The following AKAP7 variants were observed in gnomAD, a reference collection of about 807,000 sequenced individuals.
AKAP7 encodes A-kinase anchoring protein 7.
A neutral mutation model predicts 39.5 loss-of-function variants in AKAP7; 39 were observed. The ratio of observed to expected loss-of-function variants is 0.99; its 90% CI spans 0.76 to 1.29. AKAP7 has a LOEUF of 1.29. Among genes scored for constraint, AKAP7 ranks in the 50% most tolerant of loss-of-function variants. The pLI, the probability that AKAP7 is intolerant of heterozygous loss-of-function variation, is 0.00. For synonymous variants in AKAP7, 140 were observed against 139.1 expected, an observed-to-expected ratio of 1.01 and a Z score of -0.05; for missense variants, 414 against 407.7, an observed-to-expected ratio of 1.02 and a Z score of -0.13.
intron 2 of AKAP7, among the ~76,000 whole-genome samples, chr6:131,156,406 G>C (rs1802421218): frequency 6.6e-6 from 1 of 152,172 alleles, no homozygotes; most frequent in African/African-American, 2.4e-5. Flanking sequence ...AGGAGGCTAA[G>C]GTGGGAGGAT....
At chr6:131,168,444 A>G (rs1034775950) in intron 4 of AKAP7, among the ~76,000 whole-genome samples, 7 of 148,778 alleles carry the variant, frequency 4.7e-5, no homozygotes, top group African/African-American at 1.2e-4. Flanking sequence ...AGGAGACAGA[A>G]AGAGAGAGAG....
chr6:131,258,885 G>A (rs1813077099), intron 7 of AKAP7, among the ~76,000 whole-genome samples: 1 of 152,194 alleles, frequency 6.6e-6, no homozygotes, highest in Admixed American at 6.5e-5. Flanking sequence ...GTGCCAGGGA[G>A]AAAGTGATAT....
At position 131,135,541 on chromosome 6, in the gene AKAP7, G is replaced by A. The variant is rs1448516472; in HGVS notation, c.-223G>A. ...GGCTGCCGCCGCCGCTGCTGCCGCT[G>A]CCGCGGGGGCTGCGGCTTGGGAAGC... is the stretch of plus-strand genomic sequence containing the variant. On this transcript the variant is annotated 5_prime_UTR_variant, in exon 1 of 8. Transcript: ENST00000431975. The A allele has an allele frequency of 1.6e-5, 3 of 189,654 alleles. No individual in the cohort carries two copies. Among genetic ancestry groups the A allele is most frequent in the African/African-American group, 2.4e-5 (1 of 41,910 alleles). 11.7% of individuals were successfully genotyped at this position (189,654 alleles called of 1,614,324 possible).
At chr6:131,226,793 A>G (rs908573036) in intron 7 of AKAP7, among the ~76,000 whole-genome samples, 9 of 152,192 alleles carry the variant, frequency 5.9e-5, no homozygotes, top group Non-Finnish European at 1.3e-4. Context: ...GCAGTCCAGT[A>G]TATTTATAAC....
chr6:131,221,469 G>A (rs1214498078), intron 7 of AKAP7, among the ~76,000 whole-genome samples: 1 of 152,192 alleles, frequency 6.6e-6, no homozygotes, highest in Non-Finnish European at 1.5e-5. Flanking sequence ...AGCTAAGGTC[G>A]TTGATGAAGG....
intron 7 of AKAP7, among the ~76,000 whole-genome samples, chr6:131,261,702 A>T (rs1813354369): frequency 6.6e-6 from 1 of 152,096 alleles, no homozygotes; most frequent in Non-Finnish European, 1.5e-5. Flanking sequence ...ATTTTTTTCT[A>T]AAAAACTTCA....
chr6:131,241,621 G>GTATATATACGTATATATATATATA (rs1221493841), intron 7 of AKAP7, among the ~76,000 whole-genome samples: 12 of 71,578 alleles, frequency 1.7e-4, no homozygotes, highest in East Asian at 6.5e-4. Context: ...GTGTGTGTGT[G>GTATATATACGTATATATATATATA]TGTGTGTATA....
At chr6:131,140,602 C>T (rs764473914) in intron 1 of AKAP7, among the ~76,000 whole-genome samples, 36 of 152,068 alleles carry the variant, frequency 2.4e-4, no homozygotes, top group Admixed American at 1.3e-4. Context: ...AGTGAGATGA[C>T]GGTGTTAAAT....
At chr6:131,226,115 G>C (rs1810138150) in intron 7 of AKAP7, among the ~76,000 whole-genome samples, 1 of 152,202 alleles carries the variant, frequency 6.6e-6, no homozygotes, top group Non-Finnish European at 1.5e-5. Flanking sequence ...TTGTGACCTT[G>C]AGCGTAGCTA....
At chr6:131,149,440 G>T (rs532764520) in intron 2 of AKAP7, among the ~76,000 whole-genome samples, 5 of 152,276 alleles carry the variant, frequency 3.3e-5, no homozygotes, top group Non-Finnish European at 2.9e-5. Context: ...TTTGAAACCA[G>T]CCTGGCCAAC....
chr6:131,184,501 G>T, intron 5 of AKAP7: 1 of 679,360 alleles, frequency 1.5e-6, no homozygotes. Context: ...CAGAGGTGCC[G>T]CAGATATCGC....
At chr6:131,233,290 G>A (rs796978413) in intron 7 of AKAP7, among the ~76,000 whole-genome samples, 12 of 152,256 alleles carry the variant, frequency 7.9e-5, no homozygotes, top group African/African-American at 2.9e-4. Context: ...ACAGAGGAAA[G>A]CATAGTGACC....
chr6:131,210,758 C>T (rs1328128527), intron 6 of AKAP7, among the ~76,000 whole-genome samples: 1 of 152,206 alleles, frequency 6.6e-6, no homozygotes, highest in African/African-American at 2.4e-5. Context: ...CCATTCATTA[C>T]CTGGGAGAAT....
chr6:131,158,050 T>C (rs1027289349), intron 2 of AKAP7, among the ~76,000 whole-genome samples: 6 of 152,246 alleles, frequency 3.9e-5, no homozygotes, highest in Non-Finnish European at 7.3e-5. Flanking sequence ...CTATTTTTCT[T>C]AGAAATTAGC....
intron 7 of AKAP7, among the ~76,000 whole-genome samples, chr6:131,236,945 G>A (rs964604034): frequency 1.3e-5 from 2 of 152,056 alleles, no homozygotes; most frequent in African/African-American, 4.8e-5. Flanking sequence ...ACATTATGTT[G>A]AACAGGAGTG....
upstream of AKAP7, among the ~76,000 whole-genome samples, chr6:131,132,456 C>T (rs1800349580): frequency 6.6e-6 from 1 of 152,168 alleles, no homozygotes; most frequent in African/African-American, 2.4e-5. Flanking sequence ...ACTTCCCTCT[C>T]CCTCCGTATG....
chr6:131,278,240 A>G (rs1360743380), intron 7 of AKAP7, among the ~76,000 whole-genome samples: 1 of 152,228 alleles, frequency 6.6e-6, no homozygotes, highest in East Asian at 1.9e-4. Context: ...TTAGCAGAGC[A>G]GATACTGAAT....
At chr6:131,165,059 A>T (rs897516314) in intron 3 of AKAP7, 22 bp from the exon 4 acceptor site, 4 of 1,515,724 alleles carry the variant, frequency 2.6e-6, no homozygotes, top group Middle Eastern at 2.1e-4. Context: ...AATTTTTTTT[A>T]TATGTGTGTA....
chr6:131,167,001 T>G (rs1562176229), intron 4 of AKAP7, among the ~76,000 whole-genome samples: 1 of 152,184 alleles, frequency 6.6e-6, no homozygotes, highest in Non-Finnish European at 1.5e-5. Flanking sequence ...AACTCGTTTG[T>G]ATCCTTACAG....
Sources: gnomAD v4.1 joint callset for allele counts (sites outside exome capture counted in the v4.1 genomes callset) on GRCh38, gnomAD v4.1.1 for gene constraint, MANE v1.5 for transcripts, NCBI Gene and HGNC (gene_info 2026-07-23, HGNC 2026-07-21) for gene names.